Variants in BCAS1 observed in about 807,000 individuals in gnomAD.
BCAS1 encodes brain enriched myelin associated protein 1, also known as breast carcinoma-amplified sequence 1.
BCAS1 carries 46 observed loss-of-function variants against 65.4 expected under a neutral mutation model. The ratio of observed to expected loss-of-function variants is 0.70; its 90% CI spans 0.55 to 0.90. The LOEUF is 0.90. BCAS1 is among the 40% of genes least tolerant of loss of function. The pLI, the probability that BCAS1 is intolerant of heterozygous loss-of-function variation, is 0.00. For missense variants in BCAS1, 793 were observed against 771.2 expected (o/e 1.03, Z -0.33); for synonymous variants, 298 against 293.5 (o/e 1.02, Z -0.16).
intron 4 of BCAS1, among the ~76,000 whole-genome samples, chr20:54,016,688 T>G (rs988456008): frequency 6.6e-6 from 1 of 152,182 alleles, no homozygotes; most frequent in Non-Finnish European, 1.5e-5. Context: ...CAGAGGGAAA[T>G]AAAATAACAT....
chr20:54,066,332 A>G (rs146667591), intron 1 of BCAS1, among the ~76,000 whole-genome samples: 36 of 152,110 alleles, frequency 2.4e-4, no homozygotes, highest in Middle Eastern at 3.2e-3. Context: ...TTGGCCTCCC[A>G]AAGTGCTGGG....
At chr20:53,968,145 GA>G (rs370799208) in intron 9 of BCAS1, among the ~76,000 whole-genome samples, 20 of 152,290 alleles carry the variant, frequency 1.3e-4, no homozygotes, top group African/African-American at 4.6e-4. Context: ...CAGCACACGC[GA>G]CCACGCCTGA....
intron 4 of BCAS1, among the ~76,000 whole-genome samples, chr20:54,025,833 T>G (rs1222978340): frequency 6.6e-6 from 1 of 152,156 alleles, no homozygotes; most frequent in African/African-American, 2.4e-5. Flanking sequence ...CCATTACATT[T>G]ATAGAACAAT....
chr20:54,060,387 A>G (rs993034015), intron 1 of BCAS1, among the ~76,000 whole-genome samples: 4 of 152,124 alleles, frequency 2.6e-5, no homozygotes, highest in African/African-American at 4.8e-5. Context: ...ATCTCGGCTC[A>G]CTGCAACCTC....
At chr20:53,946,463 C>A (rs1303002090) in intron 12 of BCAS1, among the ~76,000 whole-genome samples, 1 of 149,846 alleles carries the variant, frequency 6.7e-6, no homozygotes, top group Admixed American at 6.6e-5. Context: ...TACTATAAGA[C>A]AGTATAGGGT....
chr20:54,016,251 AG>A (rs1243950506), intron 4 of BCAS1, among the ~76,000 whole-genome samples: 1 of 152,206 alleles, frequency 6.6e-6, no homozygotes, highest in Admixed American at 6.5e-5. Flanking sequence ...TTTTTCTTAC[AG>A]ACAATACTGG....
chr20:53,977,883 AATTT>A (rs1048907949), intron 8 of BCAS1, among the ~76,000 whole-genome samples: 1 of 151,720 alleles, frequency 6.6e-6, no homozygotes, highest in Non-Finnish European at 1.5e-5. Context: ...TTCTTTTTTT[AATTT>A]ATTTATTTAT....
rs567871844 is a variant in BCAS1, at chr20:53,975,312, A to G, written c.1317+77T>C. On this transcript the variant is annotated intron_variant, in intron 9 of 12. Transcript: ENST00000688948. ...GCAGCATGCAAGAACACAGGACCCC[A>G]GAGCTGAAAATGCCCAATTGTACAA... The G allele has an allele frequency of 2.0e-4, 261 of 1,334,432 alleles. 2 individuals carry two copies. The South Asian group carries it at 3.0e-3, about 15-fold the overall frequency. The allele number at this position is 1,334,432 out of a possible 1,614,324, so 82.7% of individuals were successfully genotyped here. A position where few individuals can be genotyped will look rare whatever the true frequency, so the allele number is the denominator to read the frequency against.
chr20:54,048,833 T>C (rs913701305), intron 3 of BCAS1, among the ~76,000 whole-genome samples: 2 of 152,250 alleles, frequency 1.3e-5, no homozygotes, highest in African/African-American at 2.4e-5. Flanking sequence ...CACTGTTCAT[T>C]GATCAACCAT....
intron 3 of BCAS1, among the ~76,000 whole-genome samples, chr20:54,037,132 G>C (rs544682254): frequency 6.6e-6 from 1 of 151,026 alleles, no homozygotes; most frequent in Non-Finnish European, 1.5e-5. Context: ...GCTATAAAGA[G>C]CTGCCCAAGA....
chr20:53,955,322 C>T (rs4809946), intron 11 of BCAS1, among the ~76,000 whole-genome samples: 65,664 of 152,092 alleles, frequency 0.43, 16,924 homozygotes, highest in East Asian at 0.7. Flanking sequence ...ATGTCTTGAA[C>T]ACTTCTGGCA....
At chr20:54,005,292 T>C (rs1427716597) in intron 4 of BCAS1, among the ~76,000 whole-genome samples, 1 of 51,688 alleles carries the variant, frequency 1.9e-5, no homozygotes, top group African/African-American at 6.1e-5. Flanking sequence ...CTTGTCTCTA[T>C]GAAACAAAGC....
At chr20:54,063,042 C>G (rs534403412) in intron 1 of BCAS1, among the ~76,000 whole-genome samples, 27 of 152,190 alleles carry the variant, frequency 1.8e-4, no homozygotes, top group Non-Finnish European at 4.4e-5. Context: ...TGCAATGAAG[C>G]CTTCTGTTCA....
chr20:53,967,565 T>C (rs963918074), intron 9 of BCAS1, among the ~76,000 whole-genome samples: 1 of 152,234 alleles, frequency 6.6e-6, no homozygotes, highest in African/African-American at 2.4e-5. Flanking sequence ...TAAAAACCAC[T>C]GAATTTAATT....
At chr20:53,968,017 C>T (rs934721175) in intron 9 of BCAS1, among the ~76,000 whole-genome samples, 10 of 152,124 alleles carry the variant, frequency 6.6e-5, no homozygotes, top group Admixed American at 5.2e-4. Flanking sequence ...ATAGTCTTTA[C>T]CTTTTAATTT....
intron 12 of BCAS1, among the ~76,000 whole-genome samples, chr20:53,945,589 G>T (rs532697833): frequency 1.3e-5 from 2 of 151,914 alleles, no homozygotes; most frequent in East Asian, 3.9e-4. Flanking sequence ...TTCTCTCTCA[G>T]AACATACCAC....
chr20:53,947,515 G>A (rs146080579), intron 12 of BCAS1, among the ~76,000 whole-genome samples: 7 of 152,178 alleles, frequency 4.6e-5, no homozygotes, highest in East Asian at 1.9e-4. Context: ...GTCCCTCACC[G>A]CTGAGAGCCT....
chr20:53,996,315 A>G (rs2024063), intron 4 of BCAS1, among the ~76,000 whole-genome samples: 56,291 of 151,898 alleles, frequency 0.37, 11,190 homozygotes, highest in South Asian at 0.48. Context: ...TTGCATTTCA[A>G]ACAAAAACCC....
At position 54,070,491 on chromosome 20, in the gene BCAS1, C is replaced by T. The variant is rs2092502784; in HGVS notation, c.-64G>A. ...CTCGTGTCACCCGGAGCTGCTCCTG[C>T]ACAGGGTCCTGGGTCTCCAGTGCGT... On this transcript the variant is annotated 5_prime_UTR_variant, in exon 1 of 13. Coordinates refer to ENST00000688948, the MANE Select transcript of BCAS1 (RefSeq NM_001366298.2). 6.6e-6 allele frequency: 1 copy of T among 152,438 alleles called. No homozygotes were observed. Among genetic ancestry groups the T allele is most frequent in the East Asian group, 1.9e-4 (1 of 5,190 alleles). The allele number at this position is 152,438 out of a possible 1,614,324, so 9.4% of individuals were successfully genotyped here. A position where few individuals can be genotyped will look rare whatever the true frequency, so the allele number is the denominator to read the frequency against.
Sources: allele counts gnomAD v4.1 joint callset (sites outside exome capture counted in the v4.1 genomes callset), GRCh38; gene constraint gnomAD v4.1.1; transcripts MANE v1.5; gene names NCBI Gene and HGNC (gene_info 2026-07-23, HGNC 2026-07-21).